LRIG1: variants seen among roughly 807,000 people sequenced by gnomAD.
LRIG1 encodes leucine rich repeats and immunoglobulin like domains 1, also known as leucine-rich repeats and immunoglobulin-like domains protein 1.
A neutral mutation model predicts 99.2 loss-of-function variants in LRIG1; 48 were observed. That is an observed-to-expected ratio of 0.48 (90% CI 0.38 to 0.62). The LOEUF is 0.62. Ranked by LOEUF, LRIG1 falls within the 20% of genes least tolerant of loss-of-function variation. The pLI is 0.00. For synonymous variants in LRIG1, 772 were observed against 596.1 expected (o/e 1.29, Z -4.30); for missense variants, 1,646 against 1,434.4 (o/e 1.15, Z -2.38).
At chr3:66,488,468 A>AC (rs1176346773) in intron 1 of LRIG1, among the ~76,000 whole-genome samples, 5 of 143,648 alleles carry the variant, frequency 3.5e-5, no homozygotes, top group African/African-American at 1.2e-4. Flanking sequence ...CTCTACTAAA[A>AC]AAAAACAAAA....
chr3:66,434,617 T>C (rs1052910999), intron 3 of LRIG1, among the ~76,000 whole-genome samples: 1 of 151,840 alleles, frequency 6.6e-6, no homozygotes, highest in Non-Finnish European at 1.5e-5. Flanking sequence ...CCTGGTGGCG[T>C]AAGCCTGCAA....
intron 3 of LRIG1, among the ~76,000 whole-genome samples, chr3:66,436,214 G>T (rs541819972): frequency 3.9e-5 from 6 of 152,170 alleles, no homozygotes; most frequent in Non-Finnish European, 5.9e-5. Context: ...CAAGGAAGAC[G>T]TGCCAGACGT....
chr3:66,439,816 T>C (rs1404789737), intron 3 of LRIG1, among the ~76,000 whole-genome samples: 3 of 152,052 alleles, frequency 2.0e-5, no homozygotes, highest in Non-Finnish European at 4.4e-5. Flanking sequence ...GGTGGGCAGG[T>C]CTAATCAGAC....
chr3:66,490,719 G>A (rs1474850558), intron 1 of LRIG1, among the ~76,000 whole-genome samples: 1 of 152,100 alleles, frequency 6.6e-6, no homozygotes, highest in African/African-American at 2.4e-5. Flanking sequence ...TGTATAATCG[G>A]TTATCATATA....
intron 11 of LRIG1, among the ~76,000 whole-genome samples, chr3:66,397,812 A>G (rs1701912671): frequency 6.6e-6 from 1 of 152,218 alleles, no homozygotes; most frequent in Non-Finnish European, 1.5e-5. Context: ...TATAGAGGAG[A>G]GTATATTTCA....
At chr3:66,499,202 TAC>T (rs4071604) in intron 1 of LRIG1, among the ~76,000 whole-genome samples, 141,593 of 152,188 alleles carry the variant, frequency 0.93, 66,428 homozygotes, top group Non-Finnish European at 1. Context: ...CTACCATGTT[TAC>T]ACAGAAGTCT....
chr3:66,444,179 A>G (rs946638781), intron 3 of LRIG1, among the ~76,000 whole-genome samples: 1 of 152,228 alleles, frequency 6.6e-6, no homozygotes, highest in Non-Finnish European at 1.5e-5. Context: ...AGAGAGTAAC[A>G]GGGCTCCTGC....
At chr3:66,392,715 A>G (rs1701670934) in intron 12 of LRIG1, among the ~76,000 whole-genome samples, 1 of 152,172 alleles carries the variant, frequency 6.6e-6, no homozygotes, top group African/African-American at 2.4e-5. Context: ...TGAACTTACC[A>G]AAGTCCTACC....
chr3:66,495,156 C>G (rs1701198169), intron 1 of LRIG1, among the ~76,000 whole-genome samples: 2 of 152,188 alleles, frequency 1.3e-5, no homozygotes, highest in Admixed American at 1.3e-4. Context: ...AGAATGAACC[C>G]TAGTGGCTCA....
chr3:66,481,253 C>T (rs192418948), intron 1 of LRIG1, among the ~76,000 whole-genome samples: 4 of 152,212 alleles, frequency 2.6e-5, no homozygotes, highest in Admixed American at 6.5e-5. Flanking sequence ...GCTCCCCTTG[C>T]GCCATAAACT....
At chr3:66,428,625 A>C (rs951157407) in intron 3 of LRIG1, among the ~76,000 whole-genome samples, 1 of 152,260 alleles carries the variant, frequency 6.6e-6, no homozygotes, top group Non-Finnish European at 1.5e-5. Context: ...GAACAAGTGA[A>C]TGCGGAAGAG....
intron 9 of LRIG1, among the ~76,000 whole-genome samples, chr3:66,402,388 G>A (rs1194163188): frequency 1.3e-5 from 2 of 149,284 alleles, no homozygotes; most frequent in Non-Finnish European, 3.0e-5. Context: ...CCACCCTGCT[G>A]GGAAGCTCCA....
intron 14 of LRIG1, 117 bp from the exon 15 acceptor site, chr3:66,383,518 T>C (rs1240335527): frequency 1.1e-6 from 1 of 942,484 alleles, no homozygotes; most frequent in East Asian, 2.6e-5. Context: ...TGAGATTCTG[T>C]CTCAGAGTGG....
In LRIG1 at chr3:66,380,702, T is replaced by C. The variant is rs772378451; in HGVS notation, c.2930A>G (p.His977Arg). 6.2e-7 allele frequency: 1 copy of C among 1,614,222 alleles called. No homozygotes were observed. The highest frequency in any genetic ancestry group is 2.2e-5 in the East Asian group (1 of 44,882). The change falls in exon 18 of 19, where the codon CAT (histidine) becomes CGT (arginine). Residue 977 changes from histidine to arginine, a missense_variant. His to Arg is a conservative substitution (Grantham distance 29). Transcript: ENST00000273261. ...PGGSDQEHSPHHQCSRTAAGS... is the reference protein window; with the variant it reads ...PGGSDQEHSPRHQCSRTAAGS... Reference sequence around the variant, plus strand: ...AGCGGCAGTCCTGCTGCACTGGTGATGTGGAGAATGCTCTTGGTCACTCCC... The same window carrying C: ...AGCGGCAGTCCTGCTGCACTGGTGACGTGGAGAATGCTCTTGGTCACTCCC...
intron 1 of LRIG1, among the ~76,000 whole-genome samples, chr3:66,480,957 C>A (rs1416501204): frequency 6.6e-6 from 1 of 152,154 alleles, no homozygotes; most frequent in African/African-American, 2.4e-5. Flanking sequence ...AGAATAATAG[C>A]ATGCTATTTC....
At chr3:66,448,434 G>C (rs1703794269) in intron 3 of LRIG1, among the ~76,000 whole-genome samples, 1 of 152,224 alleles carries the variant, frequency 6.6e-6, no homozygotes, top group African/African-American at 2.4e-5. Context: ...TCTGTGAAAA[G>C]ACAGAAAGCA....
rs148523377 is a variant in LRIG1 at position 66,380,845 on chromosome 3, G to A, written c.2787C>T (p.Val929=). 2.6e-4 allele frequency: 418 copies of A among 1,613,984 alleles called. 4 individuals carry two copies. The highest frequency in any genetic ancestry group is 2.3e-3 in the Middle Eastern group (14 of 6,060). Residue 929 remains valine, a synonymous_variant, in exon 18 of 19, where the codon GTC becomes GTT. Transcript: ENST00000273261. ...GPHKMEHGGR[V]VCSDCNTEVD... ...CTTCGGTGTTGCAGTCACTGCATAC[G>A]ACCCGGCCACCGTGTTCTGAAGGAC...
intron 9 of LRIG1, chr3:66,401,751 C>A: frequency 8.8e-7 from 1 of 1,134,088 alleles, no homozygotes; most frequent in Non-Finnish European, 1.2e-6. Flanking sequence ...CAGCCGGGCT[C>A]CCTTTCAGAA....
chr3:66,478,046 A>T (rs538465091), intron 1 of LRIG1, among the ~76,000 whole-genome samples: 1 of 152,204 alleles, frequency 6.6e-6, no homozygotes, highest in Non-Finnish European at 1.5e-5. Flanking sequence ...CAACATCTAC[A>T]TAAGTCTTAT....
Sources: allele counts gnomAD v4.1 joint callset (sites outside exome capture counted in the v4.1 genomes callset), GRCh38; gene constraint gnomAD v4.1.1; transcripts MANE v1.5; gene names NCBI Gene and HGNC (gene_info 2026-07-23, HGNC 2026-07-21).